The following AGBL1 variants were observed in gnomAD, a reference collection of about 807,000 sequenced individuals.
The protein encoded by AGBL1 is cytosolic carboxypeptidase 4.
In AGBL1, 130 loss-of-function variants were observed where a neutral mutation model predicts 118.9. The ratio of observed to expected loss-of-function variants is 1.09; its 90% confidence interval spans 0.95 to 1.26. The LOEUF is 1.26. AGBL1 is among the 50% of genes most tolerant of loss of function. The pLI is 0.00. For missense variants in AGBL1, 1,584 were observed against 1,298.1 expected, an observed-to-expected ratio of 1.22 and a Z score of -3.38; for synonymous variants, 555 against 478.9, an observed-to-expected ratio of 1.16 and a Z score of -2.08.
intron 22 of AGBL1, among the ~76,000 whole-genome samples, chr15:86,788,503 T>C (rs1443812099): frequency 2.0e-5 from 3 of 152,164 alleles, no homozygotes; most frequent in Non-Finnish European, 4.4e-5. Flanking sequence ...GATTTCTTCA[T>C]TTGTAAAATA....
At chr15:86,774,585 G>A (rs1024933355) in intron 22 of AGBL1, among the ~76,000 whole-genome samples, 1 of 117,804 alleles carries the variant, frequency 8.5e-6, no homozygotes, top group Admixed American at 8.4e-5. Flanking sequence ...GCAACAGGTA[G>A]CTCTCAGGGC....
At chr15:86,717,477 A>G (rs919559990) in intron 22 of AGBL1, among the ~76,000 whole-genome samples, 7 of 152,160 alleles carry the variant, frequency 4.6e-5, no homozygotes, top group Non-Finnish European at 1.0e-4. Context: ...TCTATGGGTC[A>G]TTGTAAAGAT....
intron 2 of AGBL1, among the ~76,000 whole-genome samples, chr15:86,142,561 C>T (rs1276002542): frequency 6.6e-6 from 1 of 152,196 alleles, no homozygotes; most frequent in African/African-American, 2.4e-5. Flanking sequence ...AACATTCCAA[C>T]ATTCACTCAA....
intron 18 of AGBL1, among the ~76,000 whole-genome samples, chr15:86,454,848 A>G (rs1426663778): frequency 6.6e-6 from 1 of 152,178 alleles, no homozygotes; most frequent in Non-Finnish European, 1.5e-5. Context: ...GCATCAAACT[A>G]CGCTTTAGAT....
intron 21 of AGBL1, among the ~76,000 whole-genome samples, chr15:86,591,873 TG>T (rs2084341731): frequency 6.6e-6 from 1 of 152,090 alleles, no homozygotes; most frequent in Non-Finnish European, 1.5e-5. Context: ...GTCTTTCGGG[TG>T]ACCAGCTGCC....
intron 22 of AGBL1, among the ~76,000 whole-genome samples, chr15:86,726,539 C>G (rs1374836884): frequency 6.6e-6 from 1 of 152,134 alleles, no homozygotes; most frequent in African/African-American, 2.4e-5. Context: ...CAATACGCGG[C>G]TCTTAAAGTT....
At chr15:86,897,202 AATTTG>A (rs2080141612) in intron 22 of AGBL1, among the ~76,000 whole-genome samples, 1 of 152,102 alleles carries the variant, frequency 6.6e-6, no homozygotes, top group Non-Finnish European at 1.5e-5. Context: ...TTTATCTTTG[AATTTG>A]AAACTGCTAT....
Position 86,687,929 on chromosome 15 carries a change from G to A in AGBL1, c.3158+13493G>A, listed in dbSNP as rs145656648. Among the ~76,000 whole-genome samples the A allele has an allele frequency of 3.7e-3, 556 of 152,220 alleles. 6 individuals are homozygous for A. The highest frequency in any genetic ancestry group is 0.013 in the African/African-American group (525 of 41,550). On this transcript the variant is annotated intron_variant, in intron 22 of 22. Transcript: ENST00000614907. ...ATTTGTAAATCATATCCCAGGCACA[G>A]TTCCCCTATATCCAGTAAAATAGTT...
chr15:86,263,984 A>G (rs947605019), intron 10 of AGBL1, among the ~76,000 whole-genome samples: 2 of 152,170 alleles, frequency 1.3e-5, no homozygotes, highest in Non-Finnish European at 2.9e-5. Flanking sequence ...ATGGTTTTCC[A>G]ACCAGATTGT....
At chr15:86,749,609 C>T (rs2077815235) in intron 22 of AGBL1, among the ~76,000 whole-genome samples, 1 of 152,120 alleles carries the variant, frequency 6.6e-6, no homozygotes, top group South Asian at 2.1e-4. Context: ...GGGAATGCTT[C>T]CAGTTTTTGC....
At chr15:86,841,574 A>C (rs943538257) in intron 22 of AGBL1, among the ~76,000 whole-genome samples, 8 of 152,134 alleles carry the variant, frequency 5.3e-5, no homozygotes, top group African/African-American at 1.9e-4. Flanking sequence ...GGCTGGGCGC[A>C]GTGGCTCGTG....
chr15:86,342,263 T>G (rs2080472435), intron 17 of AGBL1, among the ~76,000 whole-genome samples: 1 of 152,218 alleles, frequency 6.6e-6, no homozygotes, highest in African/African-American at 2.4e-5. Context: ...CCCTATATAA[T>G]TTGGTCATGA....
At chr15:86,495,778 G>GTATAT (rs1232970771) in intron 18 of AGBL1, among the ~76,000 whole-genome samples, 20 of 151,190 alleles carry the variant, frequency 1.3e-4, no homozygotes, top group Non-Finnish European at 2.5e-4. Context: ...TTCTCTGTTT[G>GTATAT]GTATATAATT....
At chr15:86,241,826 C>T (rs1435948258) in intron 6 of AGBL1, among the ~76,000 whole-genome samples, 1 of 152,108 alleles carries the variant, frequency 6.6e-6, no homozygotes, top group African/African-American at 2.4e-5. Flanking sequence ...AACACTAGAG[C>T]CAAAAGTAAA....
At chr15:86,187,937 T>C (rs779729863) in intron 5 of AGBL1, among the ~76,000 whole-genome samples, 1 of 152,216 alleles carries the variant, frequency 6.6e-6, no homozygotes, top group Non-Finnish European at 1.5e-5. Context: ...CAAAGCATCA[T>C]CCACATGCAT....
At chr15:86,945,873 C>T (rs569083174) in intron 23 of AGBL1, among the ~76,000 whole-genome samples, 1 of 152,276 alleles carries the variant, frequency 6.6e-6, no homozygotes, top group South Asian at 2.1e-4. Flanking sequence ...GTAGATTCAG[C>T]TGAAGGACAG....
intron 17 of AGBL1, among the ~76,000 whole-genome samples, chr15:86,395,249 T>G (rs1008410221): frequency 2.0e-5 from 3 of 152,092 alleles, no homozygotes; most frequent in African/African-American, 7.2e-5. Flanking sequence ...GCCCTTTGCT[T>G]GAGCCACACA....
At chr15:86,383,773 G>A (rs1192837979) in intron 17 of AGBL1, among the ~76,000 whole-genome samples, 2 of 152,062 alleles carry the variant, frequency 1.3e-5, no homozygotes, top group Non-Finnish European at 2.9e-5. Context: ...ACTCTGTCCC[G>A]GAGCCCAGAG....
rs560067198 is a variant in AGBL1, at chr15:86,997,463, A to G, written c.3323+9375A>G. 5.3e-5 allele frequency among the ~76,000 whole-genome samples: 8 copies of G among 152,330 alleles called. No homozygotes were observed. In the East Asian group the frequency reaches 1.5e-3, roughly 29 times the overall value. On this transcript the variant is annotated intron_variant, in intron 24 of 24. Coordinates refer to the AGBL1 transcript ENST00000441037. ...CATGTCAAAAATAATTGAAGACTAA[A>G]TTAATTCTCAGCTTCAGTTTATCAA...
Sources: gnomAD v4.1 joint callset for allele counts (sites outside exome capture counted in the v4.1 genomes callset) on GRCh38, gnomAD v4.1.1 for gene constraint, MANE v1.5 for transcripts, NCBI Gene and HGNC (gene_info 2026-07-23, HGNC 2026-07-21) for gene names.